The following TBPL1 variants were observed in gnomAD, a reference collection of about 807,000 sequenced individuals.
The protein encoded by TBPL1 is TATA-box binding protein like 1.
Under a neutral mutation model 22.1 loss-of-function variants are expected in TBPL1, and 4 were observed. The observed-to-expected ratio is 0.18, with a 90% CI of 0.09 to 0.41. TBPL1 has a LOEUF of 0.41. Ranked by LOEUF, TBPL1 falls within the 10% of genes least tolerant of loss-of-function variation. The probability of loss-of-function intolerance (pLI) is 1.00; values close to 1 mark genes in which losing one functional copy is unlikely to be tolerated. For synonymous variants in TBPL1, 64 were observed against 71.0 expected (o/e 0.90, Z 0.50); for missense variants, 115 against 222.3 (o/e 0.52, Z 3.07).
At chr6:133,977,730 G>A (rs960313611) in intron 1 of TBPL1, among the ~76,000 whole-genome samples, 1 of 152,098 alleles carries the variant, frequency 6.6e-6, no homozygotes, top group Admixed American at 6.5e-5. Context: ...ATACTCATGA[G>A]GTCTAGAATT....
intron 2 of TBPL1, among the ~76,000 whole-genome samples, chr6:133,981,757 A>G (rs1167633775): frequency 6.6e-6 from 1 of 152,238 alleles, no homozygotes; most frequent in Non-Finnish European, 1.5e-5. Context: ...TATGTTAGTC[A>G]GTGAGCATTT....
chr6:133,954,848 T>C (rs1010088711), intron 1 of TBPL1, among the ~76,000 whole-genome samples: 9 of 152,148 alleles, frequency 5.9e-5, no homozygotes, highest in African/African-American at 1.2e-4. Flanking sequence ...CCTATTACTA[T>C]GTGCCCTTGA....
intron 2 of TBPL1, among the ~76,000 whole-genome samples, chr6:133,981,997 A>T (rs1370507732): frequency 6.6e-6 from 1 of 152,222 alleles, no homozygotes; most frequent in African/African-American, 2.4e-5. Context: ...GTATGTAATA[A>T]GCATCTCAAC....
rs114398880 is a variant in TBPL1 at position 133,975,574 on chromosome 6, G to A, written c.-44-4508G>A. On this transcript the variant is annotated intron_variant, in intron 1 of 6. Transcript: ENST00000237264. ...CTAATGAGTCTAGTATAATCTTGAT[G>A]CTCAAACCAGATAAGGACAATACAA... Among the ~76,000 whole-genome samples the A allele has an allele frequency of 3.5e-3, 537 of 152,186 alleles. 2 individuals are homozygous for A. Among genetic ancestry groups the A allele is most frequent in the African/African-American group, 0.011 (468 of 41,544 alleles).
At chr6:133,958,889 T>G (rs930598392) in intron 1 of TBPL1, among the ~76,000 whole-genome samples, 3 of 152,206 alleles carry the variant, frequency 2.0e-5, no homozygotes, top group Non-Finnish European at 4.4e-5. Flanking sequence ...TTTATAAGCT[T>G]CCACACACTA....
chr6:133,956,107 C>T (rs1485857555), intron 1 of TBPL1, among the ~76,000 whole-genome samples: 2 of 151,958 alleles, frequency 1.3e-5, no homozygotes, highest in African/African-American at 4.8e-5. Flanking sequence ...CCAGTAATAA[C>T]CTAGGTGATT....
chr6:133,988,289 G>A lies in TBPL1; in HGVS notation c.*1249G>A, dbSNP rs1440534728. ...AACAGTGTCTCTGGCTCACCCAGGA[G>A]CCCTGATGTGGTAATACAGGATCAA... On this transcript the variant is annotated 3_prime_UTR_variant, in exon 7 of 7. Transcript: ENST00000237264. 2 of 152,302 alleles carry A rather than the reference G, an allele frequency of 1.3e-5. No individual in the cohort carries two copies. The highest frequency in any genetic ancestry group is 3.9e-4 in the East Asian group (2 of 5,188). The allele number at this position is 152,302 out of a possible 1,614,324, so 9.4% of individuals were successfully genotyped here. A position where few individuals can be genotyped will look rare whatever the true frequency, so the allele number is the denominator to read the frequency against.
chr6:133,954,354 CT>C (rs1344125351), intron 1 of TBPL1, among the ~76,000 whole-genome samples: 1 of 152,078 alleles, frequency 6.6e-6, no homozygotes, highest in African/African-American at 2.4e-5. Context: ...TGTGGATTCT[CT>C]GGGAAAATAT....
chr6:133,973,498 G>T (rs1486419754), intron 1 of TBPL1, among the ~76,000 whole-genome samples: 2 of 152,136 alleles, frequency 1.3e-5, no homozygotes, highest in Non-Finnish European at 2.9e-5. Context: ...TGGCCTTTCA[G>T]TTTAAATATC....
At chr6:133,977,188 CTT>C (rs1406527847) in intron 1 of TBPL1, among the ~76,000 whole-genome samples, 1 of 152,022 alleles carries the variant, frequency 6.6e-6, no homozygotes, top group Non-Finnish European at 1.5e-5. Flanking sequence ...TAGGTTGCCT[CTT>C]TTAAAAAAGT....
chr6:133,979,081 A>G (rs569983642), intron 1 of TBPL1, among the ~76,000 whole-genome samples: 65 of 152,282 alleles, frequency 4.3e-4, no homozygotes, highest in Admixed American at 2.1e-3. Flanking sequence ...CGGCAAATAC[A>G]TGTTGGAAGA....
chr6:133,984,804 CTT>C, intron 6 of TBPL1, 133 bp downstream of exon 6: 1 of 684,652 alleles, frequency 1.5e-6, no homozygotes, highest in East Asian at 2.8e-5. Context: ...AGTCTCCTGA[CTT>C]TTAACACTAG....
At chr6:133,984,973 G>C (rs1254460982) in intron 6 of TBPL1, among the ~76,000 whole-genome samples, 1 of 151,846 alleles carries the variant, frequency 6.6e-6, no homozygotes, top group African/African-American at 2.4e-5. Context: ...GTAGTTTCCA[G>C]TTGGAGCTTT....
intron 1 of TBPL1, among the ~76,000 whole-genome samples, chr6:133,976,125 T>C (rs1239730664): frequency 6.6e-6 from 1 of 152,174 alleles, no homozygotes; most frequent in Non-Finnish European, 1.5e-5. Flanking sequence ...AAAGGGCTTG[T>C]AGGAAAAAAA....
At position 133,956,175 on chromosome 6, in the gene TBPL1, C is replaced by T. The variant is rs189848077; in HGVS notation, c.-45+2750C>T. Among the ~76,000 whole-genome samples, 155 of 152,224 alleles carry T rather than the reference C, an allele frequency of 1.0e-3. 2 individuals carry two copies. The East Asian group carries it at 0.025, about 24-fold the overall frequency. On this transcript the variant is annotated intron_variant, in intron 1 of 6. Transcript: ENST00000237264. ...TGAAATTATTGCTATAAAATATGAA[C>T]GTTGCAGTTGATTTTTAGAAGAATT...
At chr6:133,976,890 T>C (rs9493782) in intron 1 of TBPL1, among the ~76,000 whole-genome samples, 8,715 of 149,356 alleles carry the variant, frequency 0.058, 664 homozygotes, top group African/African-American at 0.18. Flanking sequence ...ATTGCTTGAA[T>C]CCAGGAGGCG....
intron 1 of TBPL1, among the ~76,000 whole-genome samples, chr6:133,969,251 CTTTTTTT>C (rs536421364): frequency 4.9e-5 from 6 of 122,606 alleles, no homozygotes; most frequent in Admixed American, 1.7e-4. Context: ...ATAAAATACA[CTTTTTTT>C]TTTTTTTTTT....
At chr6:133,967,728 C>T (rs1041372805) in intron 1 of TBPL1, among the ~76,000 whole-genome samples, 35 of 152,128 alleles carry the variant, frequency 2.3e-4, no homozygotes, top group African/African-American at 7.7e-4. Flanking sequence ...ATATTATGGA[C>T]CCCTGGACCA....
chr6:133,981,888 G>A (rs1776419846), intron 2 of TBPL1, among the ~76,000 whole-genome samples: 1 of 152,202 alleles, frequency 6.6e-6, no homozygotes. Context: ...TACACACTCT[G>A]TAGTTATTTC....
Sources: allele counts gnomAD v4.1 joint callset (sites outside exome capture counted in the v4.1 genomes callset), GRCh38; gene constraint gnomAD v4.1.1; transcripts MANE v1.5; gene names NCBI Gene and HGNC (gene_info 2026-07-23, HGNC 2026-07-21).